The following NBEA variants were observed in gnomAD, a reference collection of about 807,000 sequenced individuals.
The protein encoded by NBEA is neurobeachin, also known as lysosomal-trafficking regulator 2.
Under a neutral mutation model 343.4 loss-of-function variants are expected in NBEA, and 44 were observed. The ratio of observed to expected loss-of-function variants is 0.13; its 90% confidence interval spans 0.10 to 0.16. The LOEUF is 0.16. NBEA is among the 10% of genes least tolerant of loss of function. NBEA has a pLI of 1.00. For synonymous variants in NBEA, 1,175 were observed against 1,238.7 expected, an observed-to-expected ratio of 0.95 and a Z score of 1.08; for missense variants, 2,555 against 3,631.3, an observed-to-expected ratio of 0.70 and a Z score of 7.62.
chr13:35,143,479 A>T (rs2068209577), intron 18 of NBEA, among the ~76,000 whole-genome samples: 1 of 152,202 alleles, frequency 6.6e-6, no homozygotes, highest in African/African-American at 2.4e-5. Flanking sequence ...CAGAGTGTAG[A>T]TTATTTTGTT....
chr13:35,321,849 G>A (rs943575125), intron 36 of NBEA, among the ~76,000 whole-genome samples: 2 of 152,158 alleles, frequency 1.3e-5, no homozygotes, highest in Admixed American at 6.5e-5. Flanking sequence ...GCTGAGCTGC[G>A]GAGGGCTCCG....
At chr13:35,269,800 T>C (rs1163697781) in intron 34 of NBEA, among the ~76,000 whole-genome samples, 3 of 152,016 alleles carry the variant, frequency 2.0e-5, no homozygotes, top group African/African-American at 4.8e-5. Flanking sequence ...AAAATGAAGA[T>C]TGACAGAGAT....
chr13:35,105,781 G>C (rs2065891250), intron 11 of NBEA, among the ~76,000 whole-genome samples: 1 of 151,986 alleles, frequency 6.6e-6, no homozygotes, highest in Non-Finnish European at 1.5e-5. Context: ...CCTGGGAGGA[G>C]CAGAATGGAT....
At chr13:35,061,711 C>T (rs2063473496) in intron 8 of NBEA, among the ~76,000 whole-genome samples, 1 of 151,566 alleles carries the variant, frequency 6.6e-6, no homozygotes, top group Non-Finnish European at 1.5e-5. Flanking sequence ...ACACAACCTC[C>T]AAATTAAAAT....
chr13:35,646,311 T>C lies in NBEA; in HGVS notation c.7733T>C (p.Ile2578Thr), dbSNP rs2153076664. 1 of 1,613,900 alleles carries C rather than the reference T, an allele frequency of 6.2e-7. No homozygotes were observed. Among genetic ancestry groups the C allele is most frequent in the Non-Finnish European group, 8.5e-7 (1 of 1,179,848 alleles). Residue 2578 changes from isoleucine (I) to threonine (T), a missense_variant, in exon 51 of 59, where the codon ATT becomes ACT. Physicochemically the swap from Ile to Thr is moderately conservative, Grantham distance 89. Transcript: ENST00000379939. ...GGACAGACGCCATCTCAGTTGCTTA[T>C]TGAGCCACATCCGCCTCGGAGCTCT... is the stretch of plus-strand genomic sequence containing the variant. ...NFGQTPSQLLIEPHPPRSSAM... is the reference protein window; with the variant it reads ...NFGQTPSQLLTEPHPPRSSAM...
At chr13:35,127,088 T>C (rs376721968) in intron 17 of NBEA, among the ~76,000 whole-genome samples, 5 of 152,134 alleles carry the variant, frequency 3.3e-5, no homozygotes, top group African/African-American at 1.2e-4. Flanking sequence ...CAGGGAAAAC[T>C]GACCTAGAAT....
chr13:35,556,205 G>A (rs1421582821), intron 44 of NBEA, among the ~76,000 whole-genome samples: 1 of 151,816 alleles, frequency 6.6e-6, no homozygotes. Context: ...TAAAAGAAAT[G>A]TGTTATACTA....
At chr13:35,653,248 G>C (rs1192230843) in intron 53 of NBEA, among the ~76,000 whole-genome samples, 1 of 150,750 alleles carries the variant, frequency 6.6e-6, no homozygotes, top group Non-Finnish European at 1.5e-5. Context: ...TGATTAGTAA[G>C]ATAAATTAGA....
At chr13:35,136,446 AATTTCCTTTT>A (rs1470463114) in intron 17 of NBEA, among the ~76,000 whole-genome samples, 8 of 152,202 alleles carry the variant, frequency 5.3e-5, no homozygotes, top group Non-Finnish European at 1.0e-4. Flanking sequence ...GGCCTGAAAC[AATTTCCTTTT>A]GGAAATGAGA....
chr13:35,611,730 A>G (rs918269148), intron 48 of NBEA, among the ~76,000 whole-genome samples: 1 of 152,214 alleles, frequency 6.6e-6, no homozygotes, highest in Non-Finnish European at 1.5e-5. Flanking sequence ...ATGTTGTAGC[A>G]TGTATTGGTA....
chr13:35,010,737 A>ATATATAT (rs1251013430), intron 1 of NBEA, among the ~76,000 whole-genome samples: 2 of 25,624 alleles, frequency 7.8e-5, no homozygotes, highest in Non-Finnish European at 1.6e-4. Context: ...AAAAAAAAAA[A>ATATATAT]AAAAATATAT....
chr13:35,256,750 G>A (rs185191903), intron 34 of NBEA, among the ~76,000 whole-genome samples: 20 of 152,312 alleles, frequency 1.3e-4, no homozygotes, highest in East Asian at 5.8e-4. Flanking sequence ...CAGCTAGGTC[G>A]TGACAATGCC....
At chr13:35,123,913 GT>G (rs2066931635) in intron 17 of NBEA, among the ~76,000 whole-genome samples, 2 of 152,040 alleles carry the variant, frequency 1.3e-5, no homozygotes, top group African/African-American at 4.8e-5. Flanking sequence ...AGGAAATACT[GT>G]GTATATGCTG....
intron 55 of NBEA, among the ~76,000 whole-genome samples, chr13:35,663,584 C>T (rs1322727073): frequency 6.6e-6 from 1 of 152,110 alleles, no homozygotes; most frequent in African/African-American, 2.4e-5. Flanking sequence ...CACAGGGGTG[C>T]AGATATCTCT....
chr13:35,343,186 C>CTTAA (rs1379633798), intron 36 of NBEA, among the ~76,000 whole-genome samples: 2 of 152,004 alleles, frequency 1.3e-5, no homozygotes, highest in African/African-American at 2.4e-5. Context: ...GCTGAATTTT[C>CTTAA]TTAAGTAAGA....
chr13:35,368,644 A>G (rs1234249832), intron 38 of NBEA, among the ~76,000 whole-genome samples: 3 of 151,620 alleles, frequency 2.0e-5, no homozygotes, highest in African/African-American at 7.2e-5. Context: ...GAAACAATCT[A>G]TACTCCAGAT....
At chr13:34,991,570 C>A (rs1305753374) in intron 1 of NBEA, among the ~76,000 whole-genome samples, 1 of 152,094 alleles carries the variant, frequency 6.6e-6, no homozygotes, top group Non-Finnish European at 1.5e-5. Context: ...CCCACCAGGC[C>A]CCTCCTCCAA....
At chr13:35,154,842 G>A (rs191468185) in intron 18 of NBEA, among the ~76,000 whole-genome samples, 1 of 152,200 alleles carries the variant, frequency 6.6e-6, no homozygotes, top group Admixed American at 6.5e-5. Context: ...TACTGAAGTA[G>A]GGGCCAGATG....
intron 40 of NBEA, among the ~76,000 whole-genome samples, chr13:35,456,205 A>T (rs1056156155): frequency 7.2e-5 from 11 of 151,992 alleles, no homozygotes. Context: ...ATAAAGATAA[A>T]ATGTTCCACA....
Sources: allele counts gnomAD v4.1 joint callset (sites outside exome capture counted in the v4.1 genomes callset), GRCh38; gene constraint gnomAD v4.1.1; transcripts MANE v1.5; gene names NCBI Gene and HGNC (gene_info 2026-07-23, HGNC 2026-07-21).